Variants in COL19A1 observed in about 807,000 individuals in gnomAD.
The protein encoded by COL19A1 is collagen alpha-1(XIX) chain.
Under a neutral mutation model 190.2 loss-of-function variants are expected in COL19A1, and 159 were observed. That is an observed-to-expected ratio of 0.84 (90% confidence interval 0.73 to 0.95). COL19A1 has a LOEUF of 0.95. Ranked by LOEUF, COL19A1 falls within the 40% of genes least tolerant of loss-of-function variation. The pLI is 0.00. For synonymous variants in COL19A1, 509 were observed against 458.9 expected (o/e 1.11, Z -1.39); for missense variants, 1,418 against 1,431.9 (o/e 0.99, Z 0.16).
At chr6:70,111,615 T>C (rs1438996984) in intron 16 of COL19A1, among the ~76,000 whole-genome samples, 2 of 152,216 alleles carry the variant, frequency 1.3e-5, no homozygotes, top group Non-Finnish European at 2.9e-5. Flanking sequence ...GATTACTTCT[T>C]CACTGGCTGA....
intron 44 of COL19A1, among the ~76,000 whole-genome samples, chr6:70,183,956 C>T (rs1413437493): frequency 6.6e-6 from 1 of 152,158 alleles, no homozygotes. Flanking sequence ...ACTTTTCCTT[C>T]TTATATCTCC....
chr6:70,022,410 T>C (rs796811048), intron 11 of COL19A1, among the ~76,000 whole-genome samples: 75 of 152,314 alleles, frequency 4.9e-4, no homozygotes, highest in African/African-American at 1.8e-3. Flanking sequence ...TCACAATGCA[T>C]AGATTAACCA....
chr6:70,176,420 G>C (rs995394715), intron 41 of COL19A1, 100 bp from the exon 42 acceptor site: 2 of 1,260,390 alleles, frequency 1.6e-6, no homozygotes, highest in Non-Finnish European at 1.1e-6. Context: ...CAGATCCAAA[G>C]GAAAGCTTTA....
chr6:70,082,591 T>C (rs1413432772), intron 15 of COL19A1, among the ~76,000 whole-genome samples: 1 of 152,102 alleles, frequency 6.6e-6, no homozygotes, highest in Admixed American at 6.5e-5. Context: ...TTTGTATTTT[T>C]AGTAGAGACG....
chr6:70,160,652 C>T (rs1392062459), intron 34 of COL19A1, among the ~76,000 whole-genome samples: 1 of 152,128 alleles, frequency 6.6e-6, no homozygotes, highest in Non-Finnish European at 1.5e-5. Context: ...GCCTCAGGCA[C>T]CACTGCAGTG....
intron 27 of COL19A1, among the ~76,000 whole-genome samples, chr6:70,149,484 C>A (rs1258845921): frequency 1.3e-5 from 2 of 152,032 alleles, no homozygotes; most frequent in Non-Finnish European, 2.9e-5. Flanking sequence ...GTCCCAAGTC[C>A]CTGAGCAAAA....
At chr6:70,033,193 G>A (rs1418738318) in intron 12 of COL19A1, among the ~76,000 whole-genome samples, 1 of 152,054 alleles carries the variant, frequency 6.6e-6, no homozygotes, top group African/African-American at 2.4e-5. Context: ...CACACTGTCT[G>A]CAACAGGATT....
At chr6:70,060,999 G>A (rs185797854) in intron 14 of COL19A1, among the ~76,000 whole-genome samples, 5 of 152,212 alleles carry the variant, frequency 3.3e-5, no homozygotes, top group Admixed American at 1.3e-4. Flanking sequence ...GGGATTCTGA[G>A]ACAAATGCTG....
At chr6:70,121,289 C>T (rs189559709) in intron 16 of COL19A1, among the ~76,000 whole-genome samples, 1 of 152,262 alleles carries the variant, frequency 6.6e-6, no homozygotes, top group East Asian at 1.9e-4. Context: ...CTATCCACTC[C>T]AAGCCCAGCA....
chr6:70,003,446 A>G (rs1777401410), intron 11 of COL19A1, among the ~76,000 whole-genome samples: 1 of 152,132 alleles, frequency 6.6e-6, no homozygotes, highest in East Asian at 1.9e-4. Context: ...TGTTTTATTG[A>G]TCTGTCTAAT....
intron 19 of COL19A1, among the ~76,000 whole-genome samples, chr6:70,138,838 G>T (rs554858212): frequency 3.3e-5 from 5 of 152,106 alleles, no homozygotes; most frequent in African/African-American, 1.2e-4. Flanking sequence ...CTTTAATGAG[G>T]TTCTCCAACT....
chr6:70,055,331 A>G (rs1476437103), intron 14 of COL19A1, among the ~76,000 whole-genome samples: 3 of 152,194 alleles, frequency 2.0e-5, no homozygotes, highest in Middle Eastern at 3.4e-3. Flanking sequence ...GTTTCACTCT[A>G]GGCTCATTCA....
chr6:69,981,892 A>T lies in COL19A1; in HGVS notation c.1026+19022A>T, dbSNP rs117718394. ...ATTTAAGGATTTATATAAAATTACA[A>T]ATATATTTTAGGTAATTTTTTAATT... On this transcript the variant is annotated intron_variant, in intron 11 of 50. Transcript: ENST00000620364. Among the ~76,000 whole-genome samples the T allele has an allele frequency of 5.4e-3, 828 of 152,248 alleles. 18 individuals carry two copies. In the East Asian group the frequency reaches 0.069, roughly 13 times the overall value.
chr6:70,104,019 G>A (rs1018881710), intron 16 of COL19A1, among the ~76,000 whole-genome samples: 1 of 152,120 alleles, frequency 6.6e-6, no homozygotes, highest in Admixed American at 6.6e-5. Context: ...AGTACCCTAG[G>A]AATCTCTTAG....
rs79962441 is a variant in COL19A1 at position 69,995,876 on chromosome 6, C to T, written c.1027-27751C>T. 3.4e-3 allele frequency among the ~76,000 whole-genome samples: 513 copies of T among 152,170 alleles called. 2 individuals are homozygous for T. Among genetic ancestry groups the T allele is most frequent in the African/African-American group, 0.011 (438 of 41,538 alleles). On this transcript the variant is annotated intron_variant, in intron 11 of 50. Coordinates refer to ENST00000620364, the MANE Select transcript of COL19A1 (RefSeq NM_001858.6). ...GTCCTTTCTCTCCTTGGAGAAATAACTTAATTAGGTATATGTCACAAATGC... is the reference window on the plus strand; with the variant it reads ...GTCCTTTCTCTCCTTGGAGAAATAATTTAATTAGGTATATGTCACAAATGC...
At chr6:70,069,170 T>C (rs1562140943) in intron 15 of COL19A1, among the ~76,000 whole-genome samples, 1 of 152,146 alleles carries the variant, frequency 6.6e-6, no homozygotes, top group Non-Finnish European at 1.5e-5. Flanking sequence ...GTCTTTGTAC[T>C]AAATAGTACA....
intron 17 of COL19A1, among the ~76,000 whole-genome samples, chr6:70,123,189 C>CA (rs1784982676): frequency 6.6e-6 from 1 of 152,098 alleles, no homozygotes; most frequent in Non-Finnish European, 1.5e-5. Context: ...TTTATGCAGC[C>CA]AAAAAACATA....
At chr6:70,149,809 C>A in intron 28 of COL19A1, 42 bp from the exon 29 acceptor site, 4 of 1,613,508 alleles carry the variant, frequency 2.5e-6, no homozygotes, top group Non-Finnish European at 3.4e-6. Context: ...GACTGAAAGA[C>A]CATCCTCATA....
chr6:70,077,215 C>A (rs1041350386), intron 15 of COL19A1, among the ~76,000 whole-genome samples: 1 of 152,086 alleles, frequency 6.6e-6, no homozygotes, highest in Non-Finnish European at 1.5e-5. Flanking sequence ...AATTTTATAG[C>A]ACTTTTGTTT....
Sources: allele counts gnomAD v4.1 joint callset (sites outside exome capture counted in the v4.1 genomes callset), GRCh38; gene constraint gnomAD v4.1.1; transcripts MANE v1.5; gene names NCBI Gene and HGNC (gene_info 2026-07-23, HGNC 2026-07-21).